IL1RAP: variants seen among roughly 807,000 people sequenced by gnomAD.
IL1RAP encodes the protein interleukin-1 receptor accessory protein.
Under a neutral mutation model 60.7 loss-of-function variants are expected in IL1RAP, and 35 were observed. The observed-to-expected ratio is 0.58, with a 90% CI of 0.44 to 0.76. The LOEUF is 0.76. Among genes scored for constraint, IL1RAP ranks in the 30% least tolerant of loss-of-function variants. IL1RAP has a pLI of 0.00. For synonymous variants in IL1RAP, 268 were observed against 250.9 expected (o/e 1.07, Z -0.64); for missense variants, 572 against 693.9 (o/e 0.82, Z 1.97).
chr3:190,552,977 C>T (rs1434376735), intron 1 of IL1RAP, among the ~76,000 whole-genome samples: 1 of 152,138 alleles, frequency 6.6e-6, no homozygotes. Flanking sequence ...TTCTGGCTTT[C>T]AGATTTTACT....
At chr3:190,583,315 G>A (rs370954409) in intron 3 of IL1RAP, among the ~76,000 whole-genome samples, 98 of 152,294 alleles carry the variant, frequency 6.4e-4, no homozygotes, top group African/African-American at 2.2e-3. Flanking sequence ...ATGAATGAAA[G>A]GATATAATAA....
chr3:190,645,470 T>C (rs1188110683), intron 10 of IL1RAP, among the ~76,000 whole-genome samples: 1 of 152,220 alleles, frequency 6.6e-6, no homozygotes, highest in Admixed American at 6.5e-5. Flanking sequence ...CCTCACTCTT[T>C]TTCCACTGTA....
intron 6 of IL1RAP, 119 bp from the exon 7 acceptor site, chr3:190,623,225 T>C: frequency 1.4e-6 from 1 of 737,266 alleles, no homozygotes; most frequent in Non-Finnish European, 2.4e-6. Flanking sequence ...ACTATAGGCC[T>C]TCTCTAAAAC....
chr3:190,590,048 A>T (rs530452453), intron 3 of IL1RAP, among the ~76,000 whole-genome samples: 1 of 152,242 alleles, frequency 6.6e-6, no homozygotes, highest in East Asian at 1.9e-4. Context: ...CAATTTTCTC[A>T]TCTGTAATAA....
chr3:190,653,439 T>C (rs1256244056), downstream of IL1RAP, among the ~76,000 whole-genome samples: 1 of 152,192 alleles, frequency 6.6e-6, no homozygotes, highest in African/African-American at 2.4e-5. Flanking sequence ...GAGAAAGCAA[T>C]ATTTGAAACC....
intron 3 of IL1RAP, among the ~76,000 whole-genome samples, chr3:190,565,314 T>C (rs548471819): frequency 1.3e-5 from 2 of 152,328 alleles, no homozygotes; most frequent in East Asian, 3.9e-4. Flanking sequence ...AACCATACTT[T>C]ACATATCGTT....
intron 3 of IL1RAP, among the ~76,000 whole-genome samples, chr3:190,585,040 G>T (rs892804109): frequency 6.6e-6 from 1 of 152,172 alleles, no homozygotes; most frequent in Non-Finnish European, 1.5e-5. Flanking sequence ...TGTATAGATG[G>T]TGTGCTATAC....
rs1036674919 is a variant in IL1RAP, at chr3:190,649,616, G to A, written c.*911G>A. On this transcript the variant is annotated 3_prime_UTR_variant, in exon 12 of 12. Coordinates refer to ENST00000447382, the MANE Select transcript of IL1RAP (RefSeq NM_002182.4). Reference sequence around the variant, plus strand: ...GGATGTTTGGCAATTTGTCTTTTAAGTCTTAACCTTGCTAATGTGAATACT... The same window carrying A: ...GGATGTTTGGCAATTTGTCTTTTAAATCTTAACCTTGCTAATGTGAATACT... 1.3e-5 allele frequency: 13 copies of A among 985,732 alleles called. No homozygotes were observed. The highest frequency in any genetic ancestry group is 3.5e-5 in the African/African-American group (2 of 57,228). 61.1% of individuals were successfully genotyped at this position (985,732 alleles called of 1,614,324 possible).
At chr3:190,542,778 G>A (rs1390426299) in intron 1 of IL1RAP, among the ~76,000 whole-genome samples, 23 of 151,856 alleles carry the variant, frequency 1.5e-4, no homozygotes, top group Non-Finnish European at 3.1e-4. Context: ...TTATTTCATA[G>A]AAAACTCTTC....
intron 3 of IL1RAP, among the ~76,000 whole-genome samples, chr3:190,569,722 T>C (rs1282629994): frequency 6.6e-6 from 1 of 152,214 alleles, no homozygotes; most frequent in Non-Finnish European, 1.5e-5. Context: ...ATACTGAGTT[T>C]GCAAATACAC....
chr3:190,545,082 A>G (rs2108572895), intron 1 of IL1RAP, among the ~76,000 whole-genome samples: 1 of 152,334 alleles, frequency 6.6e-6, no homozygotes, highest in East Asian at 1.9e-4. Flanking sequence ...ATTTACGTGA[A>G]TATTTTTTCA....
chr3:190,634,231 T>C (rs949956773), intron 9 of IL1RAP, among the ~76,000 whole-genome samples: 1 of 152,132 alleles, frequency 6.6e-6, no homozygotes, highest in Non-Finnish European at 1.5e-5. Flanking sequence ...CCTTTTTATA[T>C]ATTACTGGAT....
chr3:190,608,834 G>A (rs528675321), intron 4 of IL1RAP, among the ~76,000 whole-genome samples, 161 bp from the exon 5 acceptor site: 1 of 151,862 alleles, frequency 6.6e-6, no homozygotes, highest in African/African-American at 2.4e-5. Context: ...ATGTCAATTC[G>A]TGTAGGAAAT....
intron 9 of IL1RAP, among the ~76,000 whole-genome samples, chr3:190,630,540 C>G (rs1023518965): frequency 1.3e-5 from 2 of 152,152 alleles, no homozygotes; most frequent in African/African-American, 2.4e-5. Context: ...TGATGAAAAA[C>G]AGGATTCACC....
At chr3:190,535,289 A>G (rs1166106568) in intron 1 of IL1RAP, among the ~76,000 whole-genome samples, 2 of 152,208 alleles carry the variant, frequency 1.3e-5, no homozygotes, top group African/African-American at 4.8e-5. Flanking sequence ...TTTATTTAGC[A>G]GTGATGAACG....
chr3:190,552,565 T>A (rs1724953800), intron 1 of IL1RAP, among the ~76,000 whole-genome samples: 1 of 152,204 alleles, frequency 6.6e-6, no homozygotes, highest in African/African-American at 2.4e-5. Context: ...TTGATCCAAG[T>A]GCTTATCTTC....
At chr3:190,566,101 C>T (rs1403994687) in intron 3 of IL1RAP, among the ~76,000 whole-genome samples, 3 of 151,944 alleles carry the variant, frequency 2.0e-5, no homozygotes, top group Non-Finnish European at 2.9e-5. Context: ...TCCTTCCCTC[C>T]CTCTGTCTTG....
At chr3:190,520,618 GC>G in intron 1 of IL1RAP, 1 of 152,258 alleles carries the variant, frequency 6.6e-6, no homozygotes, top group South Asian at 2.1e-4. Context: ...ATTGAAGTGG[GC>G]AGCTGCAATG....
chr3:190,553,213 A>G (rs901893434), intron 1 of IL1RAP, among the ~76,000 whole-genome samples: 1 of 152,236 alleles, frequency 6.6e-6, no homozygotes, highest in African/African-American at 2.4e-5. Flanking sequence ...AGTATTTTAC[A>G]GACCATACAG....
Sources: allele counts gnomAD v4.1 joint callset (sites outside exome capture counted in the v4.1 genomes callset), GRCh38; gene constraint gnomAD v4.1.1; transcripts MANE v1.5; gene names NCBI Gene and HGNC (gene_info 2026-07-23, HGNC 2026-07-21).